The following FMN2 variants were observed in gnomAD, a reference collection of about 807,000 sequenced individuals.
The protein encoded by FMN2 is formin-2.
In FMN2, 51 loss-of-function variants were observed where a neutral mutation model predicts 142.3. The observed-to-expected ratio is 0.36, with a 90% CI of 0.29 to 0.45. The LOEUF is 0.45. FMN2 is among the 20% of genes least tolerant of loss of function. The pLI is 1.00. For missense variants in FMN2, 1,936 were observed against 2,122.8 expected (o/e 0.91, Z 1.73); for synonymous variants, 882 against 869.8 (o/e 1.01, Z -0.25).
At chr1:240,336,170 A>T (rs7534932) in intron 13 of FMN2, among the ~76,000 whole-genome samples, 63,686 of 151,492 alleles carry the variant, frequency 0.42, 14,003 homozygotes, top group Admixed American at 0.53. Context: ...ATAAGTAAAA[A>T]TAAAGAAAGA....
chr1:240,206,091 A>G (rs1277848572), intron 4 of FMN2, among the ~76,000 whole-genome samples: 1 of 151,462 alleles, frequency 6.6e-6, no homozygotes, highest in Non-Finnish European at 1.5e-5. Context: ...TTTAGGAGAG[A>G]TGCAGTCTTG....
chr1:240,159,905 G>A lies in FMN2; in HGVS notation c.1783-18016G>A, dbSNP rs1049941674. ...TGGAGAGATATATATATATATCTGT[G>A]TATATATATATATATATATATATAT... On this transcript the variant is annotated intron_variant, in intron 2 of 17. Transcript: ENST00000319653. Among the ~76,000 whole-genome samples, 32 of 120,090 alleles carry A rather than the reference G, an allele frequency of 2.7e-4. 1 individual carries two copies. The highest frequency in any genetic ancestry group is 6.8e-4 in the African/African-American group (23 of 34,034). 78.8% of individuals were successfully genotyped at this position (120,090 alleles called of 152,430 possible). A position where few individuals can be genotyped will look rare whatever the true frequency, so the allele number is the denominator to read the frequency against.
chr1:240,414,399 A>T (rs1460084071), intron 15 of FMN2, among the ~76,000 whole-genome samples: 1 of 152,238 alleles, frequency 6.6e-6, no homozygotes, highest in Non-Finnish European at 1.5e-5. Flanking sequence ...GGAGTGCGGT[A>T]GCACAGAGCC....
chr1:240,245,903 A>G (rs1219307864), intron 6 of FMN2, among the ~76,000 whole-genome samples: 1 of 152,188 alleles, frequency 6.6e-6, no homozygotes, highest in African/African-American at 2.4e-5. Flanking sequence ...AGGGCCAGCC[A>G]GGCACAGTGG....
intron 7 of FMN2, among the ~76,000 whole-genome samples, chr1:240,264,108 A>AGG (rs2102907466): frequency 6.6e-6 from 1 of 152,284 alleles, no homozygotes; most frequent in South Asian, 2.1e-4. Context: ...TTTAAATTAT[A>AGG]TAGTTAAGGG....
chr1:240,235,537 A>G (rs1667680639), intron 6 of FMN2, among the ~76,000 whole-genome samples: 1 of 151,784 alleles, frequency 6.6e-6, no homozygotes, highest in East Asian at 1.9e-4. Context: ...TCAGCCTCCC[A>G]AGTATCTGGG....
chr1:240,350,699 A>G (rs1017723836), intron 13 of FMN2, among the ~76,000 whole-genome samples: 1 of 152,188 alleles, frequency 6.6e-6, no homozygotes, highest in East Asian at 1.9e-4. Context: ...CAGTGCTTTG[A>G]TTCTATCCTA....
At chr1:240,366,554 T>C (rs1672675467) in intron 14 of FMN2, among the ~76,000 whole-genome samples, 1 of 139,084 alleles carries the variant, frequency 7.2e-6, no homozygotes, top group African/African-American at 2.8e-5. Context: ...TTTTTTTAAA[T>C]TTGAGATGGA....
intron 8 of FMN2, among the ~76,000 whole-genome samples, chr1:240,309,872 C>A (rs1485189150): frequency 2.0e-5 from 3 of 152,138 alleles, no homozygotes; most frequent in Non-Finnish European, 2.9e-5. Context: ...ATGGTCTCAT[C>A]TGGCATGACA....
At chr1:240,178,385 ACAAT>A (rs111598687) in intron 3 of FMN2, among the ~76,000 whole-genome samples, 33,519 of 151,078 alleles carry the variant, frequency 0.22, 3,957 homozygotes, top group African/African-American at 0.29. Flanking sequence ...TATTTGTGTA[ACAAT>A]CAATGCTTTA....
intron 7 of FMN2, among the ~76,000 whole-genome samples, chr1:240,276,092 T>G (rs1669197783): frequency 6.6e-6 from 1 of 152,122 alleles, no homozygotes; most frequent in South Asian, 2.1e-4. Context: ...AAGGATTGCT[T>G]GAGAAGTTTG....
intron 6 of FMN2, among the ~76,000 whole-genome samples, chr1:240,243,559 T>C (rs1667982666): frequency 6.6e-6 from 1 of 152,242 alleles, no homozygotes; most frequent in African/African-American, 2.4e-5. Context: ...ATCATAAATA[T>C]AACTGCCGGT....
chr1:240,418,441 C>T (rs1674654886), intron 15 of FMN2, among the ~76,000 whole-genome samples: 1 of 151,948 alleles, frequency 6.6e-6, no homozygotes, highest in Admixed American at 6.6e-5. Context: ...GTGATCCCCT[C>T]ACCTCAGCCT....
At chr1:240,148,237 GAGAGAGACAAACA>G (rs1663576960) in intron 2 of FMN2, among the ~76,000 whole-genome samples, 2 of 48,496 alleles carry the variant, frequency 4.1e-5, no homozygotes, top group Non-Finnish European at 1.2e-4. Context: ...GACAGAGACC[GAGAGAGACAAACA>G]GAGATAGACA....
chr1:240,440,569 A>C (rs10926258), intron 16 of FMN2, among the ~76,000 whole-genome samples: 114,486 of 152,074 alleles, frequency 0.75, 43,549 homozygotes, highest in African/African-American at 0.87. Context: ...CACTTGGTGA[A>C]CTTACATTCA....
chr1:240,294,740 C>T, intron 7 of FMN2, 82 bp from the exon 8 acceptor site: 1 of 1,266,086 alleles, frequency 7.9e-7, no homozygotes, highest in Non-Finnish European at 1.2e-6. Flanking sequence ...GGCTGCTGAG[C>T]CGTGAGCCTG....
intron 2 of FMN2, among the ~76,000 whole-genome samples, chr1:240,130,349 C>CTGGA (rs1161851071): frequency 9.2e-5 from 14 of 152,180 alleles, no homozygotes; most frequent in African/African-American, 3.1e-4. Context: ...GTCACCCAGG[C>CTGGA]TGGAGGGCAA....
At chr1:240,410,207 AC>A (rs1363308294) in intron 15 of FMN2, among the ~76,000 whole-genome samples, 3 of 152,206 alleles carry the variant, frequency 2.0e-5, no homozygotes, top group Non-Finnish European at 4.4e-5. Context: ...TATTTAAAAA[AC>A]ATCTTAAATG....
At chr1:240,286,947 T>A (rs1049737691) in intron 7 of FMN2, among the ~76,000 whole-genome samples, 2 of 152,186 alleles carry the variant, frequency 1.3e-5, no homozygotes, top group African/African-American at 2.4e-5. Flanking sequence ...TTTGTCGATG[T>A]GTCTTTCTAC....
Sources: allele counts gnomAD v4.1 joint callset (sites outside exome capture counted in the v4.1 genomes callset), GRCh38; gene constraint gnomAD v4.1.1; transcripts MANE v1.5; gene names NCBI Gene and HGNC (gene_info 2026-07-23, HGNC 2026-07-21).